Variants in SOD2 observed in about 807,000 individuals in gnomAD.
The protein encoded by SOD2 is superoxide dismutase 2, also known as superoxide dismutase [Mn], mitochondrial.
In SOD2, 11 loss-of-function variants were observed where a neutral mutation model predicts 27.0. The ratio of observed to expected loss-of-function variants is 0.41; its 90% CI spans 0.26 to 0.67. The LOEUF is 0.67. Among genes scored for constraint, SOD2 ranks in the 30% least tolerant of loss-of-function variants. The pLI, the probability that SOD2 is intolerant of heterozygous loss-of-function variation, is 0.34. For synonymous variants in SOD2, 105 were observed against 103.0 expected (o/e 1.02, Z -0.12); for missense variants, 250 against 274.5 (o/e 0.91, Z 0.63).
At chr6:159,755,699 G>A in intron 1 of SOD2, 2 of 1,253,832 alleles carry the variant, frequency 1.6e-6, no homozygotes, top group Non-Finnish European at 2.0e-6. Flanking sequence ...GTCACAATTT[G>A]CCTTTTTGTG....
At chr6:159,699,565 A>C (rs748912712) in intron 1 of SOD2, among the ~76,000 whole-genome samples, 10 of 152,276 alleles carry the variant, frequency 6.6e-5, no homozygotes, top group Non-Finnish European at 1.5e-4. Flanking sequence ...CACGAGAAAA[A>C]AAAAAACAAA....
At chr6:159,708,307 T>A (rs1030989485) in intron 1 of SOD2, among the ~76,000 whole-genome samples, 9 of 152,238 alleles carry the variant, frequency 5.9e-5, no homozygotes, top group Non-Finnish European at 8.8e-5. Flanking sequence ...GGTATTCAAT[T>A]AGGAAAAGAG....
At chr6:159,688,098 A>T in intron 3 of SOD2, 28 bp downstream of exon 3, 1 of 1,159,136 alleles carries the variant, frequency 8.6e-7, no homozygotes, top group Non-Finnish European at 1.3e-6. Flanking sequence ...CACAAAATGT[A>T]GATAAGGGTG....
rs1335964372 is a variant in SOD2, at chr6:159,692,689, C to G, written c.198G>C (p.Glu66Asp). ...AAYVNNLNVT[E>D]EKYQEALAKG... ...TGGCCAACGCCTCCTGGTACTTCTC[C>G]TCGGTGACGTTCAGGTTGTTCACGT... The change falls in exon 2 of 5, where the codon GAG becomes GAC. Residue 66 changes from glutamate to aspartate, a missense_variant. By Grantham distance (45) the Glu-to-Asp change is conservative (BLOSUM62 2). Transcript: ENST00000538183. The G allele has an allele frequency of 2.5e-6, 4 of 1,614,132 alleles. No individual in the cohort carries two copies. Among genetic ancestry groups the G allele is most frequent in the South Asian group, 1.1e-5 (1 of 91,070 alleles).
intron 1 of SOD2, chr6:159,736,183 G>A: frequency 1.5e-6 from 2 of 1,372,632 alleles, no homozygotes; most frequent in Non-Finnish European, 2.0e-6. Context: ...TGATTTGAAA[G>A]AGTCAGTATT....
At chr6:159,758,295 G>A (rs146926473) in intron 1 of SOD2, among the ~76,000 whole-genome samples, 1 of 151,280 alleles carries the variant, frequency 6.6e-6, no homozygotes, top group East Asian at 1.9e-4. Context: ...CTTTACACGC[G>A]CATTCCTCAC....
At chr6:159,724,965 GAAAA>G (rs1281893881) in intron 1 of SOD2, among the ~76,000 whole-genome samples, 2 of 151,676 alleles carry the variant, frequency 1.3e-5, no homozygotes, top group African/African-American at 4.8e-5. Context: ...AAAAAGAAAA[GAAAA>G]AGAAAGGAAA....
intron 1 of SOD2, among the ~76,000 whole-genome samples, chr6:159,710,757 A>ACTGCTCTGACCACCATAACCACCACTCAG (rs1562436379): frequency 1.4e-5 from 2 of 139,842 alleles, no homozygotes; most frequent in East Asian, 4.6e-4. Flanking sequence ...CACCACTCAT[A>ACTGCTCTGACCACCATAACCACCACTCAG]CTGCTCTGAC....
intron 1 of SOD2, among the ~76,000 whole-genome samples, chr6:159,712,069 G>GACA (rs1301228895): frequency 0.017 from 250 of 14,314 alleles, 20 homozygotes; most frequent in Middle Eastern, 0.083. Context: ...CCACCACTCG[G>GACA]CTGCTCAGAC....
intron 1 of SOD2, among the ~76,000 whole-genome samples, chr6:159,699,562 A>G (rs986148234): frequency 2.0e-5 from 3 of 150,098 alleles, no homozygotes; most frequent in African/African-American, 5.0e-5. Context: ...CTCCACGAGA[A>G]AAAAAAAAAC....
intron 1 of SOD2, among the ~76,000 whole-genome samples, chr6:159,741,245 A>G (rs1779239006): frequency 6.6e-6 from 1 of 152,194 alleles, no homozygotes; most frequent in Admixed American, 6.5e-5. Flanking sequence ...TATAATGAAG[A>G]ACAACGGTCC....
intron 1 of SOD2, among the ~76,000 whole-genome samples, chr6:159,735,521 C>T (rs1026339339): frequency 5.3e-5 from 8 of 152,106 alleles, no homozygotes; most frequent in Non-Finnish European, 1.2e-4. Flanking sequence ...GAGGCCAAGG[C>T]GGACGGGTTG....
chr6:159,748,580 C>T, upstream of SOD2: 1 of 1,364,362 alleles, frequency 7.3e-7, no homozygotes, highest in East Asian at 2.7e-5. The surrounding 1 kb of genome is among the most constrained non-coding windows in gnomAD (Gnocchi z 5.6). Context: ...TCCCCTTCCC[C>T]TTGCTTCAGA....
At chr6:159,758,522 C>CT (rs1349219170) in intron 1 of SOD2, among the ~76,000 whole-genome samples, 3 of 152,368 alleles carry the variant, frequency 2.0e-5, no homozygotes, top group Middle Eastern at 3.4e-3. Context: ...GATGTTCCCT[C>CT]TTTCATGAGT....
intron 1 of SOD2, among the ~76,000 whole-genome samples, chr6:159,740,765 G>T (rs746076668): frequency 6.7e-6 from 1 of 148,648 alleles, no homozygotes; most frequent in Non-Finnish European, 1.5e-5. Flanking sequence ...ATGCAGTTGC[G>T]CGATCTCGGC....
At chr6:159,736,264 A>G in intron 1 of SOD2, 1 of 1,603,036 alleles carries the variant, frequency 6.2e-7, no homozygotes, top group Non-Finnish European at 8.5e-7. Flanking sequence ...TTAGGATTCA[A>G]GATGACCAAC....
chr6:159,752,045 CAGTG>C (rs915767296), intron 1 of SOD2, among the ~76,000 whole-genome samples: 2 of 147,040 alleles, frequency 1.4e-5, no homozygotes, highest in African/African-American at 2.5e-5. Flanking sequence ...CCTGGCAACA[CAGTG>C]AGACCCCCAT....
chr6:159,741,604 C>T (rs185360661), intron 1 of SOD2: 1 of 153,380 alleles, frequency 6.5e-6, no homozygotes, highest in East Asian at 1.9e-4. Flanking sequence ...TTGGCATGTT[C>T]TCAGCAGAAA....
intron 1 of SOD2, chr6:159,726,024 T>C (rs1034720126): frequency 6.6e-6 from 1 of 152,252 alleles, no homozygotes; most frequent in Non-Finnish European, 1.5e-5. Flanking sequence ...CTATGACAAA[T>C]AGCACTGCAA....
Sources: allele counts gnomAD v4.1 joint callset (sites outside exome capture counted in the v4.1 genomes callset), GRCh38; gene constraint gnomAD v4.1.1; non-coding constraint Gnocchi (gnomAD v3.1); transcripts MANE v1.5; gene names NCBI Gene and HGNC (gene_info 2026-07-23, HGNC 2026-07-21).